The following GTF2E2 variants were observed in gnomAD, a reference collection of about 807,000 sequenced individuals.
GTF2E2 encodes the protein general transcription factor IIE subunit 2, also known as transcription initiation factor IIE subunit beta.
GTF2E2 carries 21 observed loss-of-function variants against 40.5 expected under a neutral mutation model. The ratio of observed to expected loss-of-function variants is 0.52; its 90% confidence interval spans 0.37 to 0.75. The LOEUF (loss-of-function observed/expected upper bound fraction) is 0.75. GTF2E2 is among the 30% of genes least tolerant of loss of function. GTF2E2 has a pLI of 0.00. For synonymous variants in GTF2E2, 117 were observed against 121.6 expected (o/e 0.96, Z 0.25); for missense variants, 298 against 338.4 (o/e 0.88, Z 0.94).
intron 2 of GTF2E2, chr8:30,645,478 GA>G (rs1802034736): frequency 1.1e-5 from 17 of 1,535,488 alleles, no homozygotes; most frequent in African/African-American, 1.4e-5. Flanking sequence ...TTTCCTTTAT[GA>G]AGTGCTTGAC....
intron 6 of GTF2E2, among the ~76,000 whole-genome samples, chr8:30,597,690 T>C (rs913520924): frequency 6.6e-5 from 10 of 152,182 alleles, no homozygotes; most frequent in African/African-American, 2.4e-4. Context: ...GCATGCAGAC[T>C]TCTGGGGTTT....
At chr8:30,628,238 A>C (rs1324277962) in intron 3 of GTF2E2, among the ~76,000 whole-genome samples, 1 of 152,230 alleles carries the variant, frequency 6.6e-6, no homozygotes, top group Non-Finnish European at 1.5e-5. Context: ...CAGGTGAGAA[A>C]AGAAATCAAG....
chr8:30,586,261 T>G (rs1465399707), intron 6 of GTF2E2, among the ~76,000 whole-genome samples: 1 of 152,184 alleles, frequency 6.6e-6, no homozygotes, highest in African/African-American at 2.4e-5. Context: ...CTAGTGATCT[T>G]ACATTTGAGA....
chr8:30,585,497 C>T (rs1263914550), intron 6 of GTF2E2, among the ~76,000 whole-genome samples: 1 of 151,916 alleles, frequency 6.6e-6, no homozygotes, highest in African/African-American at 2.4e-5. Flanking sequence ...TTAAATACAT[C>T]GTAAAGATGT....
At chr8:30,635,484 G>A (rs918189521) in intron 2 of GTF2E2, among the ~76,000 whole-genome samples, 1 of 152,042 alleles carries the variant, frequency 6.6e-6, no homozygotes. Flanking sequence ...CCAGGCTCAG[G>A]TGATTCTCCC....
intron 2 of GTF2E2, among the ~76,000 whole-genome samples, chr8:30,644,738 T>G (rs141988531): frequency 4.4e-4 from 61 of 139,888 alleles, no homozygotes; most frequent in Middle Eastern, 3.5e-3. Flanking sequence ...AGCAGTTAAT[T>G]TCGGTATATG....
At chr8:30,582,452 A>G (rs914105757) in intron 6 of GTF2E2, among the ~76,000 whole-genome samples, 8 of 152,254 alleles carry the variant, frequency 5.3e-5, no homozygotes, top group African/African-American at 1.9e-4. Context: ...AACACCTTAC[A>G]TAACTGTATA....
intron 1 of GTF2E2, 36 bp from the exon 2 acceptor site, chr8:30,653,638 C>G (rs937140427): frequency 1.3e-6 from 2 of 1,485,034 alleles, no homozygotes; most frequent in African/African-American, 2.8e-5. Context: ...AATACAAATT[C>G]AAGTCACTCA....
chr8:30,650,034 C>T (rs1802218979), intron 2 of GTF2E2, among the ~76,000 whole-genome samples: 1 of 152,060 alleles, frequency 6.6e-6, no homozygotes, highest in African/African-American at 2.4e-5. Context: ...TAAAAAATAA[C>T]AAAGTTTCAC....
At chr8:30,650,767 G>A (rs1377660618) in intron 2 of GTF2E2, among the ~76,000 whole-genome samples, 2 of 151,884 alleles carry the variant, frequency 1.3e-5, no homozygotes, top group African/African-American at 2.4e-5. Flanking sequence ...TGTAATCCCA[G>A]CACTTTGGGA....
intron 3 of GTF2E2, among the ~76,000 whole-genome samples, chr8:30,623,116 G>C (rs1459707242): frequency 6.6e-6 from 1 of 152,094 alleles, no homozygotes; most frequent in East Asian, 1.9e-4. Context: ...CTGGAGTAAA[G>C]AAAGGCATAA....
chr8:30,656,547 G>A lies in GTF2E2; in HGVS notation c.-5+1426C>T, dbSNP rs561172482. Among the ~76,000 whole-genome samples the A allele has an allele frequency of 3.3e-5, 5 of 152,272 alleles. No homozygotes were observed. In the East Asian group the frequency reaches 9.7e-4, roughly 29 times the overall value. On this transcript the variant is annotated intron_variant, in intron 1 of 7. Transcript: ENST00000355904. ...AAATAGGCCGGGCGCAGCGGCTCAC[G>A]CCTGTAATCCCAGCACTTTGGGAGG...
intron 3 of GTF2E2, among the ~76,000 whole-genome samples, chr8:30,634,133 G>A (rs956933316): frequency 6.6e-6 from 1 of 152,148 alleles, no homozygotes; most frequent in African/African-American, 2.4e-5. Flanking sequence ...ATGAAATCCC[G>A]CTTTAATAAA....
At chr8:30,655,041 T>C (rs1802410454) in intron 1 of GTF2E2, among the ~76,000 whole-genome samples, 2 of 151,994 alleles carry the variant, frequency 1.3e-5, no homozygotes, top group Non-Finnish European at 2.9e-5. Flanking sequence ...TGAAACCCTA[T>C]CTCTACGAAA....
At chr8:30,648,907 G>A (rs1802186868) in intron 2 of GTF2E2, among the ~76,000 whole-genome samples, 1 of 152,172 alleles carries the variant, frequency 6.6e-6, no homozygotes, top group Non-Finnish European at 1.5e-5. Context: ...GCCAACCAAA[G>A]AGAAGTAAAA....
chr8:30,635,009 T>C (rs780794913), intron 3 of GTF2E2, 23 bp downstream of exon 3: 1 of 1,318,994 alleles, frequency 7.6e-7, no homozygotes, highest in Non-Finnish European at 1.1e-6. Flanking sequence ...ATAGGACTTT[T>C]GCTATCTGAG....
intron 2 of GTF2E2, among the ~76,000 whole-genome samples, chr8:30,635,454 C>T (rs1801567103): frequency 6.6e-6 from 1 of 152,084 alleles, no homozygotes; most frequent in South Asian, 2.1e-4. Context: ...ACAATCACAG[C>T]TCACTACACC....
At chr8:30,595,898 G>T (rs1370543959) in intron 6 of GTF2E2, among the ~76,000 whole-genome samples, 2 of 152,096 alleles carry the variant, frequency 1.3e-5, no homozygotes, top group East Asian at 3.8e-4. Context: ...GAAAAGAAAA[G>T]AAAAGATTAT....
At position 30,614,653 on chromosome 8, in the gene GTF2E2, T is replaced by C; in HGVS notation, c.321A>G (p.Gln107=). The change falls in exon 4 of 8, where the codon CAA becomes CAG. Residue 107 remains glutamine (Q), a synonymous_variant. Coordinates refer to ENST00000355904, the MANE Select transcript of GTF2E2 (RefSeq NM_002095.6). ...TCTGCTTGAGTCCAATATCTAAATG[T>C]TGTGTTTCATCCAAAATTTCATCTA... ...LTLDEILDET[Q]HLDIGLKQKQ... 3 of 1,609,576 alleles carry C rather than the reference T, an allele frequency of 1.9e-6. No homozygotes were observed. Among genetic ancestry groups the C allele is most frequent in the South Asian group, 1.1e-5 (1 of 90,972 alleles).
Sources: allele counts gnomAD v4.1 joint callset (sites outside exome capture counted in the v4.1 genomes callset), GRCh38; gene constraint gnomAD v4.1.1; transcripts MANE v1.5; gene names NCBI Gene and HGNC (gene_info 2026-07-23, HGNC 2026-07-21).